Variants in KMT2E observed in about 807,000 individuals in gnomAD.
KMT2E encodes the protein lysine methyltransferase 2E (inactive).
KMT2E carries 30 observed loss-of-function variants against 184.6 expected under a neutral mutation model. The ratio of observed to expected loss-of-function variants is 0.16; its 90% CI spans 0.12 to 0.22. KMT2E has a LOEUF of 0.22. Ranked by LOEUF, KMT2E falls within the 10% of genes least tolerant of loss-of-function variation. KMT2E has a pLI of 1.00. For missense variants in KMT2E, 2,023 were observed against 2,237.4 expected, an observed-to-expected ratio of 0.90 and a Z score of 1.93; for synonymous variants, 815 against 776.5, an observed-to-expected ratio of 1.05 and a Z score of -0.82.
intron 8 of KMT2E, 88 bp downstream of exon 8, chr7:105,074,903 C>G: frequency 2.2e-6 from 2 of 892,368 alleles, no homozygotes; most frequent in Non-Finnish European, 3.2e-6. Context: ...TGAGAATAAT[C>G]GATGATAGCT....
rs1256522395 is a variant in KMT2E, at chr7:105,112,606, T to C, written c.4850T>C (p.Ile1617Thr). The C allele has an allele frequency of 1.2e-6, 2 of 1,613,766 alleles. No homozygotes were observed. The highest frequency in any genetic ancestry group is 2.2e-5 in the East Asian group (1 of 44,850). ...GHFLPSQNPT[I>T]HHQTAAAVVP... Reference sequence around the variant, plus strand: ...TTTTTGCCCTCTCAGAACCCTACCATTCACCATCAAACTGCTGCTGCCGTA... The same window carrying C: ...TTTTTGCCCTCTCAGAACCCTACCACTCACCATCAAACTGCTGCTGCCGTA... The change falls in exon 27 of 27, where the codon ATT (isoleucine) becomes ACT (threonine). Residue 1617 changes from isoleucine to threonine, a missense_variant. By Grantham distance (89) the Ile-to-Thr change is moderately conservative. Coordinates refer to ENST00000311117, the MANE Select transcript of KMT2E (RefSeq NM_182931.3).
chr7:105,109,298 G>C, intron 23 of KMT2E, 70 bp downstream of exon 23: 1 of 1,476,502 alleles, frequency 6.8e-7, no homozygotes, highest in East Asian at 2.4e-5. Flanking sequence ...CCTATTTGTT[G>C]TTCTCCCAAG....
intron 3 of KMT2E, among the ~76,000 whole-genome samples, chr7:105,044,346 A>G (rs1336295448): frequency 6.6e-6 from 1 of 152,188 alleles, no homozygotes; most frequent in Non-Finnish European, 1.5e-5. Flanking sequence ...GGGACAATGC[A>G]GTTTGATGGG....
rs1165387105 is a variant in KMT2E, at chr7:105,101,519, G to A, written c.1817G>A (p.Ser606Asn). The A allele has an allele frequency of 1.3e-6, 2 of 1,593,948 alleles. No homozygotes were observed. Among genetic ancestry groups the A allele is most frequent in the Non-Finnish European group, 1.7e-6 (2 of 1,172,884 alleles). ...AGAGAACAAGCTTTGGAAAGGATCA[G>A]CACAGCCAAAACTGAAGTTAAAACT... ...KRREQALERI[S>N]TAKTEVKTEC... The change falls in exon 16 of 27, where the codon AGC (serine) becomes AAC (asparagine). Residue 606 changes from serine (S) to asparagine (N), a missense_variant. Ser to Asn is a conservative substitution (Grantham distance 46, BLOSUM62 1). Around this residue, in one of 8 missense-constraint regions of KMT2E, gnomAD observed 514 missense variants for 621.8 expected, o/e 0.83. Transcript: ENST00000311117.
chr7:105,040,669 CT>C (rs1206661449), intron 2 of KMT2E, among the ~76,000 whole-genome samples, 169 bp from the exon 3 acceptor site: 3 of 152,124 alleles, frequency 2.0e-5, no homozygotes, highest in African/African-American at 7.2e-5. Context: ...GATTTAGAAA[CT>C]TTTCTTTTGA....
At chr7:105,074,912 CT>C in intron 8 of KMT2E, 97 bp downstream of exon 8, 1 of 822,504 alleles carries the variant, frequency 1.2e-6, no homozygotes, top group Non-Finnish European at 1.8e-6. Flanking sequence ...TCGATGATAG[CT>C]AAAAAGGATC....
chr7:105,109,851 T>A (rs2129570055), intron 23 of KMT2E, among the ~76,000 whole-genome samples: 1 of 151,514 alleles, frequency 6.6e-6, no homozygotes, highest in African/African-American at 2.4e-5. Context: ...AACTTTTTTT[T>A]TTTTTTTTTT....
chr7:105,053,733 G>T (rs1255418085), intron 3 of KMT2E, among the ~76,000 whole-genome samples: 1 of 152,140 alleles, frequency 6.6e-6, no homozygotes, highest in Non-Finnish European at 1.5e-5. Context: ...TTAAAAATTA[G>T]CCAGGCATAG....
intron 1 of KMT2E, among the ~76,000 whole-genome samples, chr7:105,027,051 C>T (rs1795203080): frequency 6.7e-6 from 1 of 150,078 alleles, no homozygotes; most frequent in Admixed American, 6.6e-5. Flanking sequence ...ATATAAAATC[C>T]CTTTGCAGAA....
intron 17 of KMT2E, chr7:105,102,963 A>T (rs1359404517): frequency 6.6e-6 from 1 of 152,238 alleles, no homozygotes; most frequent in Non-Finnish European, 1.5e-5. Context: ...ATTATATTTT[A>T]ATAGCACAAG....
At position 105,113,243 on chromosome 7, in the gene KMT2E, G is replaced by C; in HGVS notation, c.5487G>C (p.Gln1829His). 6.2e-7 allele frequency: 1 copy of C among 1,614,214 alleles called. No homozygotes were observed. Among genetic ancestry groups the C allele is most frequent in the Non-Finnish European group, 8.5e-7 (1 of 1,180,030 alleles). Residue 1829 changes from glutamine to histidine, a missense_variant, in exon 27 of 27, where the codon CAG becomes CAC. Coordinates refer to ENST00000311117, the MANE Select transcript of KMT2E (RefSeq NM_182931.3). Reference protein sequence around the residue: ...ALPHGVQGPQQASPVPGQIPI... With the variant: ...ALPHGVQGPQHASPVPGQIPI... ...CACATGGGGTTCAAGGACCTCAGCA[G>C]GCATCTCCAGTGCCTGGACAGATTC...
intron 15 of KMT2E, among the ~76,000 whole-genome samples, chr7:105,101,169 C>T (rs1358201581): frequency 6.6e-6 from 1 of 151,436 alleles, no homozygotes; most frequent in Non-Finnish European, 1.5e-5. Context: ...TTTGTTTTAC[C>T]CTTATCATTA....
chr7:105,087,156 G>A (rs1054351837), intron 13 of KMT2E, among the ~76,000 whole-genome samples: 22 of 145,780 alleles, frequency 1.5e-4, no homozygotes, highest in Admixed American at 1.3e-3. Flanking sequence ...TAGGTCATGC[G>A]GACTGGTATA....
At chr7:105,071,654 T>C (rs2129567782) in intron 6 of KMT2E, among the ~76,000 whole-genome samples, 1 of 129,694 alleles carries the variant, frequency 7.7e-6, no homozygotes, top group Admixed American at 8.5e-5. Flanking sequence ...GAACAGGGTT[T>C]CACCATCTTG....
At position 105,024,141 on chromosome 7, in the gene KMT2E, A is replaced by C. The variant is rs1795075987; in HGVS notation, c.-189+9606A>C. On this transcript the variant is annotated intron_variant, in intron 1 of 26. Transcript: ENST00000311117. ...GAGAAGAAAATTTTGAGACTTACAG[A>C]GTACATATTCTCTAAAACTTAAAAT... is the stretch of plus-strand genomic sequence containing the variant. Among the ~76,000 whole-genome samples, 3 of 152,216 alleles carry C rather than the reference A, an allele frequency of 2.0e-5. No homozygotes were observed. In the South Asian group the frequency reaches 6.2e-4, roughly 31 times the overall value.
intron 22 of KMT2E, 35 bp downstream of exon 22, chr7:105,107,960 GTT>G (rs34102092): frequency 2.4e-3 from 2,749 of 1,166,446 alleles, no homozygotes; most frequent in East Asian, 6.4e-3. Flanking sequence ...CCTTTTAATA[GTT>G]TTTTTTTTTT....
intron 11 of KMT2E, 112 bp downstream of exon 11, chr7:105,077,545 A>G: frequency 1.3e-6 from 1 of 791,384 alleles, no homozygotes; most frequent in Non-Finnish European, 2.1e-6. Context: ...TGATCATTTC[A>G]GTATTTAAAG....
At chr7:105,108,850 T>C (rs1799035640) in intron 22 of KMT2E, 92 bp from the exon 23 acceptor site, 6 of 1,037,690 alleles carry the variant, frequency 5.8e-6, no homozygotes, top group Middle Eastern at 2.3e-4. Context: ...AATGTAAATA[T>C]AGTAATTCTC....
At chr7:105,095,283 A>G (rs1355775118) in intron 15 of KMT2E, among the ~76,000 whole-genome samples, 2 of 152,160 alleles carry the variant, frequency 1.3e-5, no homozygotes, top group South Asian at 4.1e-4. Context: ...TATATTTAAT[A>G]TATTTTTGTA....
Sources: allele counts gnomAD v4.1 joint callset (sites outside exome capture counted in the v4.1 genomes callset), GRCh38; gene constraint gnomAD v4.1.1; regional missense constraint gnomAD v4.1.1; transcripts MANE v1.5; gene names NCBI Gene and HGNC (gene_info 2026-07-23, HGNC 2026-07-21).